Variants in NPC1 observed in about 807,000 individuals in gnomAD.
NPC1 encodes the protein Niemann-Pick C1 protein.
Under a neutral mutation model 140.4 loss-of-function variants are expected in NPC1, and 85 were observed. The observed-to-expected ratio is 0.61, with a 90% CI of 0.51 to 0.72. NPC1 has a LOEUF of 0.72. Among genes scored for constraint, NPC1 ranks in the 30% least tolerant of loss-of-function variants. The pLI is 0.00. For missense variants in NPC1, 1,504 were observed against 1,623.8 expected, an observed-to-expected ratio of 0.93 and a Z score of 1.27; for synonymous variants, 656 against 624.8, an observed-to-expected ratio of 1.05 and a Z score of -0.74.
At position 23,586,303 on chromosome 18, in the gene NPC1, A is replaced by G. The variant is rs776078068; in HGVS notation, c.41T>C (p.Leu14Pro). Residue 14 changes from leucine to proline, a missense_variant, in exon 1 of 25, where the codon CTA becomes CCA. By Grantham distance (98) the Leu-to-Pro change is moderately conservative (BLOSUM62 -3). Coordinates refer to ENST00000269228, the MANE Select transcript of NPC1 (RefSeq NM_000271.5). ...RGLALGLLLL[L>P]LCPAQVFSQS... ...ACCGCTCACCTGCGCTGGACACAGT[A>G]GCAGCAGGAGGAGGCCAAGGGCCAG... The G allele has an allele frequency of 6.5e-7, 1 of 1,533,958 alleles. No individual in the cohort carries two copies. The highest frequency in any genetic ancestry group is 1.2e-5 in the South Asian group (1 of 83,900).
intron 4 of NPC1, among the ~76,000 whole-genome samples, chr18:23,567,991 TCTC>T (rs1038087229): frequency 6.6e-6 from 1 of 152,234 alleles, no homozygotes; most frequent in African/African-American, 2.4e-5. Flanking sequence ...CTGCTTTTCC[TCTC>T]CTGTCTAGAA....
intron 21 of NPC1, 55 bp from the exon 22 acceptor site, chr18:23,535,755 G>GT: frequency 8.6e-7 from 1 of 1,162,016 alleles, no homozygotes; most frequent in Non-Finnish European, 1.3e-6. Flanking sequence ...CGAACACTGC[G>GT]TGTTCATCCT....
intron 10 of NPC1, among the ~76,000 whole-genome samples, chr18:23,548,356 T>A (rs952206779): frequency 6.6e-6 from 1 of 150,490 alleles, no homozygotes; most frequent in Non-Finnish European, 1.5e-5. Flanking sequence ...TTTTTTTTTT[T>A]AAAGGATACA....
rs1192729870 is a variant in NPC1 at position 23,539,957 on chromosome 18, C to T, written c.2649G>A (p.Leu883=). The stretch of plus-strand genomic sequence containing the variant: ...CAAAGTACACAGGCGGACCCGCATG[C>T]AGGTACTGACTGATGGATTTGAAAT... The part of the protein sequence containing the change: ...VDYFKSISQY[L]HAGPPVYFVL... The change falls in exon 18 of 25, where the codon CTG becomes CTA. Residue 883 remains leucine (L), a synonymous_variant. Coordinates refer to ENST00000269228, the MANE Select transcript of NPC1 (RefSeq NM_000271.5). The T allele has an allele frequency of 6.2e-7, 1 of 1,614,062 alleles. No homozygotes were observed. The highest frequency in any genetic ancestry group is 8.5e-7 in the Non-Finnish European group (1 of 1,180,024).
downstream of NPC1, chr18:23,526,584 C>T: frequency 1.3e-6 from 2 of 1,589,266 alleles, no homozygotes; most frequent in South Asian, 2.3e-5. Flanking sequence ...CACTTTTGGG[C>T]TTTTGTTACG....
chr18:23,534,148 G>A, intron 23 of NPC1: 1 of 519,766 alleles, frequency 1.9e-6, no homozygotes, highest in South Asian at 2.0e-5. Context: ...TCACACGCTG[G>A]GTTCTGGCCC....
At chr18:23,553,697 G>C (rs1164640489) in intron 9 of NPC1, among the ~76,000 whole-genome samples, 1 of 152,172 alleles carries the variant, frequency 6.6e-6, no homozygotes, top group African/African-American at 2.4e-5. Flanking sequence ...GGGAGAGTAG[G>C]CCCATCCGGC....
chr18:23,553,396 C>G (rs1284191600), intron 9 of NPC1, among the ~76,000 whole-genome samples: 1 of 152,146 alleles, frequency 6.6e-6, no homozygotes, highest in Non-Finnish European at 1.5e-5. Flanking sequence ...GGAGCATAAG[C>G]TATTGTGTTT....
chr18:23,516,523 A>G lies in NPC1; in HGVS notation c.432-9881T>C, dbSNP rs2058009801. ...AGCACCACGTGATGCCCTGACCCCT[A>G]GAACACATAAGGAGGACTCCCCTTG... is the stretch of plus-strand genomic sequence containing the variant. On this transcript the variant is annotated intron_variant, in intron 3 of 3. Transcript: ENST00000591107. The G allele has an allele frequency of 2.5e-6, 3 of 1,189,916 alleles. No homozygotes were observed. The South Asian group carries it at 3.8e-5, about 15-fold the overall frequency. 73.7% of individuals were successfully genotyped at this position (1,189,916 alleles called of 1,614,324 possible). A position where few individuals can be genotyped will look rare whatever the true frequency, so the allele number is the denominator to read the frequency against.
downstream of NPC1, chr18:23,519,165 G>C: frequency 6.2e-7 from 1 of 1,613,718 alleles, no homozygotes; most frequent in Non-Finnish European, 8.5e-7. Context: ...TGCATCATCA[G>C]GATACAGAGG....
intron 19 of NPC1, 192 bp from the exon 20 acceptor site, chr18:23,538,863 A>G (rs2058671443): frequency 3.1e-6 from 2 of 635,108 alleles, no homozygotes; most frequent in African/African-American, 3.7e-5. Context: ...ATGAATCTGA[A>G]ATACCATTTT....
chr18:23,511,783 A>AT (rs2057865357), intron 3 of NPC1, among the ~76,000 whole-genome samples: 1 of 151,682 alleles, frequency 6.6e-6, no homozygotes, highest in African/African-American at 2.4e-5. Flanking sequence ...CTGGTTTTCC[A>AT]TTTTTTTGTG....
chr18:23,566,708 C>T (rs116999459), intron 4 of NPC1, among the ~76,000 whole-genome samples: 411 of 152,290 alleles, frequency 2.7e-3, no homozygotes, highest in Middle Eastern at 0.024. Flanking sequence ...TTTATCCTTC[C>T]CATGCATGTT....
downstream of NPC1, chr18:23,526,556 G>A (rs138026166): frequency 5.1e-5 from 78 of 1,528,426 alleles, no homozygotes; most frequent in Middle Eastern, 7.2e-4. Flanking sequence ...CACCCGCCCC[G>A]CAGATGTTTA....
intron 10 of NPC1, chr18:23,551,414 G>A (rs1465344590): frequency 1.0e-5 from 6 of 590,064 alleles, no homozygotes; most frequent in Admixed American, 2.7e-5. Context: ...TCAAAGGCAT[G>A]TGTGACCTAA....
Position 23,538,554 on chromosome 18 carries a change from T to C in NPC1, c.3029A>G (p.Lys1010Arg), listed in dbSNP as rs2058666267. 2 of 1,614,108 alleles carry C rather than the reference T, an allele frequency of 1.2e-6. No homozygotes were observed. The highest frequency in any genetic ancestry group is 2.7e-5 in the African/African-American group (2 of 75,032). Residue 1010 changes from lysine to arginine, a missense_variant, in exon 20 of 25, where the codon AAG (lysine) becomes AGG (arginine). Physicochemically the swap from Lys to Arg is conservative, Grantham distance 26. Coordinates refer to ENST00000269228, the MANE Select transcript of NPC1 (RefSeq NM_000271.5). ...CAGCAGCACTTACCCTTTGCCACACTTGGGGTTAGGGTTATCCGAAAGGAA... is the reference window on the plus strand; with the variant it reads ...CAGCAGCACTTACCCTTTGCCACACCTGGGGTTAGGGTTATCCGAAAGGAA... ...PMFLSDNPNP[K>R]CGKGGHAAYS...
chr18:23,534,049 T>G, intron 23 of NPC1: 1 of 352,668 alleles, frequency 2.8e-6, no homozygotes, highest in Non-Finnish European at 5.3e-6. Flanking sequence ...TTTTTACTCT[T>G]TACCAGGTAT....
At chr18:23,519,317 A>G, downstream of NPC1, 1 of 688,422 alleles carries the variant, frequency 1.5e-6, no homozygotes, top group Non-Finnish European at 2.5e-6. Flanking sequence ...CAGGAGTTCG[A>G]GACCAGCCTG....
intron 3 of NPC1, among the ~76,000 whole-genome samples, chr18:23,570,729 A>AT (rs1209071830): frequency 3.3e-5 from 5 of 152,234 alleles, no homozygotes; most frequent in Admixed American, 1.3e-4. Context: ...GCTCTTTTGC[A>AT]TATTTGAGAA....
Sources: allele counts gnomAD v4.1 joint callset (sites outside exome capture counted in the v4.1 genomes callset), GRCh38; gene constraint gnomAD v4.1.1; transcripts MANE v1.5; gene names NCBI Gene and HGNC (gene_info 2026-07-23, HGNC 2026-07-21).